The following MAP2 variants were observed in gnomAD, a reference collection of about 807,000 sequenced individuals.
MAP2 encodes microtubule associated protein 2, also known as microtubule-associated protein 2.
Under a neutral mutation model 137.6 loss-of-function variants are expected in MAP2, and 14 were observed. That is an observed-to-expected ratio of 0.10 (90% CI 0.07 to 0.16). The LOEUF (loss-of-function observed/expected upper bound fraction) is 0.16. Ranked by LOEUF, MAP2 falls within the 10% of genes least tolerant of loss-of-function variation. The probability of loss-of-function intolerance (pLI) is 1.00; values close to 1 mark genes in which losing one functional copy is unlikely to be tolerated. For synonymous variants in MAP2, 786 were observed against 782.3 expected (o/e 1.00, Z -0.08); for missense variants, 2,088 against 2,191.5 (o/e 0.95, Z 0.94).
chr2:209,660,802 C>T (rs2043197061), intron 5 of MAP2, among the ~76,000 whole-genome samples: 1 of 148,496 alleles, frequency 6.7e-6, no homozygotes, highest in Admixed American at 6.7e-5. Flanking sequence ...GGCGCGATCT[C>T]GGCTCACTGC....
intron 13 of MAP2, among the ~76,000 whole-genome samples, chr2:209,720,638 CAAAAAAAAA>C (rs3036697): frequency 1.4e-5 from 1 of 72,806 alleles, no homozygotes. Context: ...TACTTGGTCT[CAAAAAAAAA>C]AAAAAAAAAA....
At chr2:209,562,072 G>A (rs890257977) in intron 2 of MAP2, among the ~76,000 whole-genome samples, 2 of 151,926 alleles carry the variant, frequency 1.3e-5, no homozygotes, top group Non-Finnish European at 2.9e-5. Context: ...TATACTTAAG[G>A]GTCATGAAAG....
chr2:209,704,406 G>T, intron 11 of MAP2: 1 of 1,533,954 alleles, frequency 6.5e-7, no homozygotes. Flanking sequence ...TTACTTTATA[G>T]TTTGGTTTAT....
In MAP2 at chr2:209,705,710, C is replaced by T; in HGVS notation, c.4715C>T (p.Ser1572Leu). 1 of 1,612,728 alleles carries T rather than the reference C, an allele frequency of 6.2e-7. No homozygotes were observed. The highest frequency in any genetic ancestry group is 8.5e-7 in the Non-Finnish European group (1 of 1,179,150). The change falls in exon 12 of 16, where the codon TCA becomes TTA. Residue 1572 changes from serine to leucine, a missense_variant. Transcript: ENST00000682079. Reference protein sequence around the residue: ...SFSLNSSISSSARRTTRSEPI... With the variant: ...SFSLNSSISSLARRTTRSEPI... ...TCTCTCAACAGTTCTATCTCTTCTTCAGCACGGCGGACCACCAGTAGGTTT... is the reference window on the plus strand; with the variant it reads ...TCTCTCAACAGTTCTATCTCTTCTTTAGCACGGCGGACCACCAGTAGGTTT...
At chr2:209,607,912 T>C (rs1391664994) in intron 3 of MAP2, among the ~76,000 whole-genome samples, 5 of 152,208 alleles carry the variant, frequency 3.3e-5, no homozygotes, top group Non-Finnish European at 5.9e-5. Context: ...TCCTCTAACA[T>C]GTCCATTCAA....
chr2:209,556,741 T>C (rs2070770075), intron 2 of MAP2, among the ~76,000 whole-genome samples: 1 of 151,150 alleles, frequency 6.6e-6, no homozygotes, highest in South Asian at 2.1e-4. Flanking sequence ...AGAGGTAATC[T>C]GACATAAAAC....
At chr2:209,427,509 T>TTGATC (rs1438421627) in intron 1 of MAP2, among the ~76,000 whole-genome samples, 16 of 152,200 alleles carry the variant, frequency 1.1e-4, no homozygotes, top group African/African-American at 3.9e-4. Context: ...GTAAGGACTG[T>TTGATC]ATTTTGATCA....
intron 2 of MAP2, among the ~76,000 whole-genome samples, chr2:209,541,779 C>T (rs1442298652): frequency 6.6e-6 from 1 of 152,326 alleles, no homozygotes; most frequent in East Asian, 1.9e-4. Context: ...CATCTTCAGG[C>T]TTCACTTTTA....
At chr2:209,464,912 G>GTATACTCACACATCCA (rs1246910651) in intron 1 of MAP2, among the ~76,000 whole-genome samples, 1 of 151,988 alleles carries the variant, frequency 6.6e-6, no homozygotes, top group Non-Finnish European at 1.5e-5. Flanking sequence ...ATGTATATAT[G>GTATACTCACACATCCA]TATACTCACA....
At chr2:209,434,943 G>GTGTGTTATATATATATGTTATATATATA (rs1553536964) in intron 1 of MAP2, among the ~76,000 whole-genome samples, 26 of 128,874 alleles carry the variant, frequency 2.0e-4, no homozygotes, top group African/African-American at 7.3e-4. Context: ...TTATATATAT[G>GTGTGTTATATATATATGTTATATATATA]TGTTTTATAT....
intron 3 of MAP2, among the ~76,000 whole-genome samples, chr2:209,618,859 A>C (rs2090324537): frequency 6.6e-6 from 1 of 152,230 alleles, no homozygotes; most frequent in South Asian, 2.1e-4. Flanking sequence ...TATTCACAAT[A>C]GCCAAGATAT....
At chr2:209,594,216 T>A (rs2080601317) in intron 3 of MAP2, among the ~76,000 whole-genome samples, 1 of 150,852 alleles carries the variant, frequency 6.6e-6, no homozygotes, top group South Asian at 2.1e-4. Flanking sequence ...CAGGGTAAGA[T>A]CTTTGCACAT....
At chr2:209,689,718 C>T (rs1294811408) in intron 7 of MAP2, among the ~76,000 whole-genome samples, 1 of 152,000 alleles carries the variant, frequency 6.6e-6, no homozygotes, top group Non-Finnish European at 1.5e-5. Flanking sequence ...AGAAATAAGA[C>T]TTTATTACTA....
chr2:209,537,339 A>G (rs764363897), intron 2 of MAP2, among the ~76,000 whole-genome samples: 12 of 152,232 alleles, frequency 7.9e-5, no homozygotes, highest in Non-Finnish European at 1.3e-4. Flanking sequence ...AATTTTCCAT[A>G]TAAGTTGAAT....
rs369033681 is a variant in MAP2 at position 209,694,357 on chromosome 2, C to G, written c.2187C>G (p.Ser729=). ...GRGHDLSPLA[S]DILTNTSGSM... is the part of the protein sequence containing the mutation. ...GACATGATCTTTCTCCTCTGGCTTC[C>G]GATATTCTAACCAACACTAGTGGAA... The change falls in exon 8 of 16, where the codon TCC becomes TCG. Residue 729 remains serine (S), a synonymous_variant. Transcript: ENST00000682079. 1 of 1,613,834 alleles carries G rather than the reference C, an allele frequency of 6.2e-7. No individual in the cohort carries two copies. Among genetic ancestry groups the G allele is most frequent in the South Asian group, 1.1e-5 (1 of 91,076 alleles).
At chr2:209,613,414 A>G (rs1278365610) in intron 3 of MAP2, among the ~76,000 whole-genome samples, 3 of 152,220 alleles carry the variant, frequency 2.0e-5, no homozygotes, top group East Asian at 1.9e-4. Flanking sequence ...AAAACTCACT[A>G]AACTATAGGA....
chr2:209,449,652 T>A (rs1173346931), intron 1 of MAP2, among the ~76,000 whole-genome samples: 1 of 152,176 alleles, frequency 6.6e-6, no homozygotes, highest in Non-Finnish European at 1.5e-5. Context: ...AGTGGCTTAA[T>A]ATCTCAAAGA....
At chr2:209,598,926 A>G (rs1350571271) in intron 3 of MAP2, among the ~76,000 whole-genome samples, 1 of 151,656 alleles carries the variant, frequency 6.6e-6, no homozygotes, top group Admixed American at 6.6e-5. Flanking sequence ...ATGTGTCTTT[A>G]TAGCAGCATG....
At position 209,648,621 on chromosome 2, in the gene MAP2, CAAAAAAAAAA is replaced by C. The variant is rs1228232293; in HGVS notation, c.-29-4509_-29-4500del. The stretch of plus-strand genomic sequence containing the variant: ...TGAAACCCCTTCTCTACTAAAAATA[CAAAAAAAAAA>C]AAAAAAAAAAAGCCAGGCATGTTGG... On this transcript the variant is annotated intron_variant, in intron 4 of 15. Coordinates refer to ENST00000682079, the MANE Select transcript of MAP2 (RefSeq NM_001375505.1). Among the ~76,000 whole-genome samples the C allele has an allele frequency of 7.8e-5, 4 of 51,036 alleles. 1 individual carries two copies. The highest frequency in any genetic ancestry group is 2.3e-4 in the African/African-American group (4 of 17,754). 33.5% of individuals were successfully genotyped at this position (51,036 alleles called of 152,430 possible). A position where few individuals can be genotyped will look rare whatever the true frequency, so the allele number is the denominator to read the frequency against.
Sources: allele counts gnomAD v4.1 joint callset (sites outside exome capture counted in the v4.1 genomes callset), GRCh38; gene constraint gnomAD v4.1.1; transcripts MANE v1.5; gene names NCBI Gene and HGNC (gene_info 2026-07-23, HGNC 2026-07-21).